Variants in TTN observed in about 807,000 individuals in gnomAD.
TTN encodes the protein connectin.
In TTN, 1,525 loss-of-function variants were observed where a neutral mutation model predicts 3,223.0. The ratio of observed to expected loss-of-function variants is 0.47; its 90% CI spans 0.45 to 0.49. The LOEUF is 0.49. TTN is among the 20% of genes least tolerant of loss of function. The pLI, the probability that TTN is intolerant of heterozygous loss-of-function variation, is 0.00. For missense variants in TTN, 40,786 were observed against 43,424.0 expected, an observed-to-expected ratio of 0.94 and a Z score of 5.40; for synonymous variants, 14,094 against 15,161.0, an observed-to-expected ratio of 0.93 and a Z score of 5.17.
chr2:178,585,236 C>A lies in TTN; in HGVS notation c.64508G>T (p.Gly21503Val). 6.2e-7 allele frequency: 1 copy of A among 1,613,324 alleles called. No individual in the cohort carries two copies. The highest frequency in any genetic ancestry group is 2.2e-5 in the East Asian group (1 of 44,808). Residue 21503 changes from glycine to valine, a missense_variant, in exon 309 of 363, where the codon GGA (glycine) becomes GTA (valine). Transcript: ENST00000589042. ...KPHPTCKWKK[G>V]EDEVVTSSHL... ...GCTGGATGTGACAACTTCATCTTCT[C>A]CTTTTTTCCATTTACAGGTGGGATG...
intron 98 of TTN, 67 bp downstream of exon 98, chr2:178,710,568 C>T (rs539641938): frequency 5.3e-4 from 792 of 1,494,286 alleles, no homozygotes; most frequent in Admixed American, 7.1e-4. Context: ...ATCATAAAAA[C>T]GACACCTTCA....
intron 281 of TTN, 41 bp downstream of exon 281, chr2:178,604,667 G>A (rs1187155648): frequency 1.3e-6 from 2 of 1,531,918 alleles, no homozygotes; most frequent in East Asian, 4.6e-5. Context: ...CCAGAGTCAT[G>A]TACTTTTAAT....
At chr2:178,640,477 T>A (rs927780477) in intron 221 of TTN, 64 bp downstream of exon 221, 1 of 1,387,060 alleles carries the variant, frequency 7.2e-7, no homozygotes, top group African/African-American at 1.4e-5. Context: ...GTCAGTGTAA[T>A]GATATTTTAA....
Position 178,730,265 on chromosome 2 carries a change from C to A in TTN, c.18135G>T (p.Trp6045Cys). The A allele has an allele frequency of 6.2e-7, 1 of 1,613,140 alleles. No homozygotes were observed. The highest frequency in any genetic ancestry group is 8.5e-7 in the Non-Finnish European group (1 of 1,179,542). Residue 6045 changes from tryptophan to cysteine, a missense_variant, in exon 62 of 363, where the codon TGG (tryptophan) becomes TGT (cysteine). Transcript: ENST00000589042. Reference sequence around the variant, plus strand: ...AGTGTAACTCTTTGTTATCTTTAAACCACTTTATTGTCATGGGTGCAGTGC... The same window carrying A: ...AGTGTAACTCTTTGTTATCTTTAAAACACTTTATTGTCATGGGTGCAGTGC... ...VGGTAPMTIKWFKDNKELHSG... is the reference protein window; with the variant it reads ...VGGTAPMTIKCFKDNKELHSG...
chr2:178,764,657 T>A lies in TTN; in HGVS notation c.9858A>T (p.Lys3286Asn), dbSNP rs2090032788. 1.2e-6 allele frequency: 2 copies of A among 1,613,884 alleles called. No individual in the cohort carries two copies. Among genetic ancestry groups the A allele is most frequent in the South Asian group, 2.2e-5 (2 of 91,080 alleles). Residue 3286 changes from lysine (K) to asparagine (N), a missense_variant, in exon 42 of 363, where the codon AAA becomes AAT. By Grantham distance (94) the Lys-to-Asn change is moderately conservative. Transcript: ENST00000589042. ...EQLLSTGFKC[K>N]FLHDGQEYTL... ...TGTATTCTTGCCCATCATGAAGAAA[T>A]TTGCACTTGAAGCCAGTGGAAAGCA...
chr2:178,741,631 A>G lies in TTN; in HGVS notation c.11602T>C (p.Phe3868Leu), dbSNP rs727504700. 1 of 1,613,816 alleles carries G rather than the reference A, an allele frequency of 6.2e-7. No individual in the cohort carries two copies. Among genetic ancestry groups the G allele is most frequent in the Non-Finnish European group, 8.5e-7 (1 of 1,179,786 alleles). ...VLLTPSADYK[F>L]VFDGDDHSLI... The stretch of plus-strand genomic sequence containing the variant: ...CTATGATCATCACCGTCAAAAACAA[A>G]TTTGTAGTCAGCAGAAGGGGTTAAT... Residue 3868 changes from phenylalanine (F) to leucine (L), a missense_variant, in exon 48 of 363, where the codon TTT becomes CTT. Physicochemically the swap from Phe to Leu is conservative, Grantham distance 22. Coordinates refer to ENST00000589042, the MANE Select transcript of TTN (RefSeq NM_001267550.2).
Position 178,564,288 on chromosome 2 carries a change from T to C in TTN, c.81844A>G (p.Lys27282Glu), listed in dbSNP as rs761201021. ...CCTGCATGAACAACGATGACATCTT[T>C]ATATTTTGGATCCAGAGAGGCATTT... Reference protein sequence around the residue: ...APNASLDPKYKDVIVVHAGET... With the variant: ...APNASLDPKYEDVIVVHAGET... Residue 27282 changes from lysine to glutamate, a missense_variant, in exon 326 of 363, where the codon AAA becomes GAA. Coordinates refer to ENST00000589042, the MANE Select transcript of TTN (RefSeq NM_001267550.2). 66 of 1,613,410 alleles carry C rather than the reference T, an allele frequency of 4.1e-5. No individual in the cohort carries two copies. Among genetic ancestry groups the C allele is most frequent in the Middle Eastern group, 1.6e-4 (1 of 6,082 alleles).
Position 178,605,662 on chromosome 2 carries a change from G to A in TTN, c.53633C>T (p.Thr17878Ile). 1 of 1,607,566 alleles carries A rather than the reference G, an allele frequency of 6.2e-7. No homozygotes were observed. The highest frequency in any genetic ancestry group is 8.5e-7 in the Non-Finnish European group (1 of 1,175,818). Residue 17878 changes from threonine (T) to isoleucine (I), a missense_variant, in exon 279 of 363, where the codon ACT becomes ATT. Thr to Ile is a moderately conservative substitution (Grantham distance 89). Coordinates refer to ENST00000589042, the MANE Select transcript of TTN (RefSeq NM_001267550.2). ...GGGCTCTTTCCAGTCAAGTGTGATA[G>A]TGGACTTTGTCCTTTCAGTGTATGT... ...RLTYTERTKSTITLDWKEPRS... is the reference protein window; with the variant it reads ...RLTYTERTKSIITLDWKEPRS...
Position 178,541,472 on chromosome 2 carries a change from A to G in TTN, c.97605T>C (p.Ile32535=), listed in dbSNP as rs760676361. The G allele has an allele frequency of 1.2e-6, 2 of 1,613,484 alleles. No homozygotes were observed. The highest frequency in any genetic ancestry group is 1.3e-5 in the African/African-American group (1 of 75,000). The change falls in exon 350 of 363, where the codon ATT becomes ATC. Residue 32535 remains isoleucine (I), a synonymous_variant. Coordinates refer to ENST00000589042, the MANE Select transcript of TTN (RefSeq NM_001267550.2). ...CTGCTCTCACTTCTTTGCGCTCCAC[A>G]ATATATCCAGTCACTTGGGAGCCAC... ...DDGGSQVTGY[I]VERKEVRADR...
chr2:178,701,952 T>A lies in TTN; in HGVS notation c.30538+88A>T. 5 of 1,268,122 alleles carry A rather than the reference T, an allele frequency of 3.9e-6. No homozygotes were observed. In the South Asian group the frequency reaches 6.7e-5, roughly 17 times the overall value. The allele number at this position is 1,268,122 out of a possible 1,614,324, so 78.6% of individuals were successfully genotyped here. Reference sequence around the variant, plus strand: ...ATATTTTACCCAAAAGAGAAAGATATCTTATACATTTTAGTTTGGCTTCTG... The same window carrying A: ...ATATTTTACCCAAAAGAGAAAGATAACTTATACATTTTAGTTTGGCTTCTG... On this transcript the variant is annotated intron_variant, in intron 109 of 362. Transcript: ENST00000589042.
Position 178,738,366 on chromosome 2 carries a change from A to G in TTN, c.14093-6T>C. ...CCTCTTGATCACTGGGGCAGCTGCAAAGGGAAGTAGAGTCCATTAACATGC... is the reference window on the plus strand; with the variant it reads ...CCTCTTGATCACTGGGGCAGCTGCAGAGGGAAGTAGAGTCCATTAACATGC... On this transcript the variant is annotated splice_region_variant and splice_polypyrimidine_tract_variant and intron_variant, in intron 48 of 362. Coordinates refer to ENST00000589042, the MANE Select transcript of TTN (RefSeq NM_001267550.2). 6.2e-7 allele frequency: 1 copy of G among 1,609,882 alleles called. No individual in the cohort carries two copies. The highest frequency in any genetic ancestry group is 8.5e-7 in the Non-Finnish European group (1 of 1,177,462).
At chr2:178,760,916 T>C (rs1208173227) in intron 43 of TTN, 1 of 151,176 alleles carries the variant, frequency 6.6e-6, no homozygotes, top group Non-Finnish European at 1.5e-5. Context: ...TCTTACAAGG[T>C]TCTCTGCTTA....
intron 165 of TTN, 87 bp from the exon 166 acceptor site, chr2:178,665,013 T>C (rs2065655689): frequency 7.1e-7 from 1 of 1,407,110 alleles, no homozygotes; most frequent in Admixed American, 2.1e-5. Context: ...TATAACCACA[T>C]TTTCTTCTCT....
rs1417096982 is a variant in TTN at position 178,770,915 on chromosome 2, T to C, written c.8117-240A>G. The C allele has an allele frequency of 1.1e-5, 9 of 791,698 alleles. No individual in the cohort carries two copies. The African/African-American group carries it at 1.5e-4, about 13-fold the overall frequency. The allele number at this position is 791,698 out of a possible 1,614,324, so 49.0% of individuals were successfully genotyped here. A position where few individuals can be genotyped will look rare whatever the true frequency, so the allele number is the denominator to read the frequency against. On this transcript the variant is annotated intron_variant, in intron 34 of 362. Coordinates refer to ENST00000589042, the MANE Select transcript of TTN (RefSeq NM_001267550.2). ...TTTAGTAGTATGAAGTTTGCATAGC[T>C]ATGTATTAGCAGCATAATAGACTGA... is the stretch of plus-strand genomic sequence containing the variant.
chr2:178,684,597 G>C, intron 131 of TTN, 69 bp downstream of exon 131: 1 of 1,510,726 alleles, frequency 6.6e-7, no homozygotes, highest in Non-Finnish European at 9.0e-7. Context: ...ATGACCCAAA[G>C]AACAGCAGCA....
At position 178,576,985 on chromosome 2, in the gene TTN, A is replaced by C. The variant is rs968207606; in HGVS notation, c.69350T>G (p.Val23117Gly). Residue 23117 changes from valine to glycine, a missense_variant, in exon 324 of 363, where the codon GTA becomes GGA. By Grantham distance (109) the Val-to-Gly change is moderately radical (BLOSUM62 -3). Transcript: ENST00000589042. This position sits in a 1 kb window ranked among gnomAD's most constrained non-coding sequence, Gnocchi z 4.3. Reference protein sequence around the residue: ...GNEYIFRVSAVNHYGKGEPVQ... With the variant: ...GNEYIFRVSAGNHYGKGEPVQ... ...AGGTTCTCCTTTGCCATAGTGGTTT[A>C]CAGCTGAGACCCGGAAGATGTACTC... 2 of 1,613,398 alleles carry C rather than the reference A, an allele frequency of 1.2e-6. No homozygotes were observed. The highest frequency in any genetic ancestry group is 1.7e-6 in the Non-Finnish European group (2 of 1,179,588).
chr2:178,764,228 C>A lies in TTN; in HGVS notation c.10063G>T (p.Val3355Phe). 1 of 1,614,088 alleles carries A rather than the reference C, an allele frequency of 6.2e-7. No individual in the cohort carries two copies. The highest frequency in any genetic ancestry group is 8.5e-7 in the Non-Finnish European group (1 of 1,179,976). ...CGGGCTGGCTGCCCTTCAGAAGTGA[C>A]AGTGTCCTGAAGCGGGGTGATGATG... ...PAIITPLQDT[V>F]TSEGQPARFQ... The change falls in exon 43 of 363, where the codon GTC becomes TTC. Residue 3355 changes from valine to phenylalanine, a missense_variant. Val to Phe is a conservative substitution (Grantham distance 50). Transcript: ENST00000589042.
chr2:178,633,513 CA>C lies in TTN; in HGVS notation c.42845del (p.Leu14282ArgfsTer5). On this transcript the variant is annotated frameshift_variant, in exon 232 of 363. Transcript: ENST00000589042. LOFTEE classifies it high-confidence loss of function. Reference protein sequence around the residue: ...SPKYSIKADGLRRILKIKKAD... With the variant: ...SPKYSIKADGXRRILKIKKAD... ...CCTTTTTGATTTTTAAGATGCGGCGCAGGCCATCTGCCTTGATAGAATATTT... is the reference window on the plus strand; with the variant it reads ...CCTTTTTGATTTTTAAGATGCGGCGCGGCCATCTGCCTTGATAGAATATTT... 6.2e-7 allele frequency: 1 copy of C among 1,613,352 alleles called. No homozygotes were observed. The highest frequency in any genetic ancestry group is 8.5e-7 in the Non-Finnish European group (1 of 1,179,600).
At chr2:178,768,224 C>T (rs2090869447) in intron 38 of TTN, 69 bp from the exon 39 acceptor site, 1 of 1,509,324 alleles carries the variant, frequency 6.6e-7, no homozygotes, top group African/African-American at 1.4e-5. Context: ...ACATACTGTA[C>T]AATCCACCAA....
Sources: gnomAD v4.1 joint callset for allele counts on GRCh38, gnomAD v4.1.1 for gene constraint, Gnocchi (gnomAD v3.1) non-coding constraint, MANE v1.5 for transcripts, NCBI Gene and HGNC (gene_info 2026-07-23, HGNC 2026-07-21) for gene names.